PLXNA2: variants seen among roughly 807,000 people sequenced by gnomAD.
PLXNA2 encodes the protein plexin-A2.
Under a neutral mutation model 193.5 loss-of-function variants are expected in PLXNA2, and 91 were observed. That is an observed-to-expected ratio of 0.47 (90% CI 0.40 to 0.56). The LOEUF is 0.56. PLXNA2 is among the 20% of genes least tolerant of loss of function. The probability of loss-of-function intolerance (pLI) is 0.00; values close to 1 mark genes in which losing one functional copy is unlikely to be tolerated. For missense variants in PLXNA2, 1,995 were observed against 2,503.2 expected (o/e 0.80, Z 4.33); for synonymous variants, 997 against 1,027.3 (o/e 0.97, Z 0.56).
intron 12 of PLXNA2, among the ~76,000 whole-genome samples, chr1:208,061,347 G>C (rs74152186): frequency 2.0e-5 from 3 of 152,176 alleles, no homozygotes; most frequent in Non-Finnish European, 2.9e-5. Flanking sequence ...GCTACAGCCT[G>C]TTGGGGGTAC....
intron 2 of PLXNA2, among the ~76,000 whole-genome samples, 162 bp downstream of exon 2, chr1:208,216,573 T>C (rs116113503): frequency 7.2e-4 from 109 of 152,358 alleles, no homozygotes; most frequent in African/African-American, 2.5e-3. Flanking sequence ...CTGGTGTACG[T>C]AAGACCCTGC....
chr1:208,171,246 A>C (rs1669486465), intron 3 of PLXNA2, among the ~76,000 whole-genome samples: 1 of 152,184 alleles, frequency 6.6e-6, no homozygotes, highest in African/African-American at 2.4e-5. Flanking sequence ...GACTAGTGAG[A>C]TTTGAGCATG....
At position 208,040,263 on chromosome 1, in the gene PLXNA2, T is replaced by A. The variant is rs1664823519; in HGVS notation, c.4287-205A>T. 37 of 583,378 alleles carry A rather than the reference T, an allele frequency of 6.3e-5. No individual in the cohort carries two copies. The South Asian group carries it at 7.6e-4, about 12-fold the overall frequency. The allele number at this position is 583,378 out of a possible 1,614,324, so 36.1% of individuals were successfully genotyped here. Reference sequence around the variant, plus strand: ...GGGTGGCTTCTTTCTGGGCCTCAATTTCCTATGAAAATGGAGAGGTTGGCC... The same window carrying A: ...GGGTGGCTTCTTTCTGGGCCTCAATATCCTATGAAAATGGAGAGGTTGGCC... On this transcript the variant is annotated intron_variant, in intron 22 of 31. Transcript: ENST00000367033.
chr1:208,244,124 A>G lies in PLXNA2; in HGVS notation c.-562T>C, dbSNP rs1202198876. The stretch of plus-strand genomic sequence containing the variant: ...TCCGGGAGCCTGGCTTTCCAGATCT[A>G]TTTCGAGGTTTGCTCCGCTGGCTGC... On this transcript the variant is annotated 5_prime_UTR_variant, in exon 1 of 32. Transcript: ENST00000367033. 1.3e-5 allele frequency: 2 copies of G among 153,742 alleles called. No homozygotes were observed. The highest frequency in any genetic ancestry group is 4.8e-5 in the African/African-American group (2 of 41,418). The allele number at this position is 153,742 out of a possible 1,614,324, so 9.5% of individuals were successfully genotyped here.
intron 12 of PLXNA2, among the ~76,000 whole-genome samples, chr1:208,070,130 C>T (rs985870477): frequency 1.9e-4 from 29 of 152,260 alleles, no homozygotes; most frequent in African/African-American, 5.8e-4. Flanking sequence ...AGAATGCATG[C>T]CCTGGCCTGC....
rs1020591555 is a variant in PLXNA2 at position 208,161,053 on chromosome 1, G to C, written c.1372-18590C>G. On this transcript the variant is annotated intron_variant, in intron 3 of 31. Coordinates refer to ENST00000367033, the MANE Select transcript of PLXNA2 (RefSeq NM_025179.4). ...TCCATCTCAGCCTCCTCCACCCAGAGCTGCTGCTCCTAGTCGCCCAGGTCT... is the reference window on the plus strand; with the variant it reads ...TCCATCTCAGCCTCCTCCACCCAGACCTGCTGCTCCTAGTCGCCCAGGTCT... 7.9e-5 allele frequency among the ~76,000 whole-genome samples: 12 copies of C among 152,226 alleles called. 1 individual carries two copies. Among genetic ancestry groups the C allele is most frequent in the Admixed American group, 5.9e-4 (9 of 15,280 alleles).
intron 3 of PLXNA2, among the ~76,000 whole-genome samples, chr1:208,155,234 G>C (rs945503254): frequency 3.3e-5 from 5 of 152,156 alleles, no homozygotes; most frequent in African/African-American, 1.2e-4. Context: ...GACCGGTGCT[G>C]GGGACACAGA....
intron 1 of PLXNA2, among the ~76,000 whole-genome samples, chr1:208,221,256 T>G (rs768122507): frequency 1.1e-4 from 16 of 152,186 alleles, no homozygotes; most frequent in Non-Finnish European, 2.4e-4. Context: ...ATTTCCTTTT[T>G]CAGATAAAAT....
chr1:208,148,812 C>T (rs1029199652), intron 3 of PLXNA2, among the ~76,000 whole-genome samples: 23 of 152,090 alleles, frequency 1.5e-4, no homozygotes, highest in Admixed American at 6.5e-5. Flanking sequence ...TGAAGGAGGC[C>T]CTGAGGGGGT....
At position 208,236,591 on chromosome 1, in the gene PLXNA2, A is replaced by T. The variant is rs1671861344; in HGVS notation, c.-81+7052T>A. Among the ~76,000 whole-genome samples, 1 of 152,220 alleles carries T rather than the reference A, an allele frequency of 6.6e-6. No individual in the cohort carries two copies. The highest frequency in any genetic ancestry group is 1.5e-5 in the Non-Finnish European group (1 of 68,038). ...AAAGACCTGCCCATAGTCACAGAGC[A>T]ATCACAATCCATAGGCTCCGCTGAC... On this transcript the variant is annotated intron_variant, in intron 1 of 31. Coordinates refer to ENST00000367033, the MANE Select transcript of PLXNA2 (RefSeq NM_025179.4). The surrounding 1 kb of genome is among the most constrained non-coding windows in gnomAD (Gnocchi z 4.4).
rs2296731 is a variant in PLXNA2, at chr1:208,103,699, A to C, written c.1507-452T>G. 4.3e-3 allele frequency among the ~76,000 whole-genome samples: 650 copies of C among 152,340 alleles called. 13 individuals are homozygous for C. The highest frequency in any genetic ancestry group is 0.038 in the East Asian group (197 of 5,178). ...GGAGAAACTTTTCCCATCAAATAAT[A>C]TTCATAGTATGGTACAGACTCTTTA... On this transcript the variant is annotated intron_variant, in intron 4 of 31. Coordinates refer to ENST00000367033, the MANE Select transcript of PLXNA2 (RefSeq NM_025179.4).
At chr1:208,103,054 C>CCTCT (rs10654695) in intron 5 of PLXNA2, 93 bp downstream of exon 5, 780,599 of 796,016 alleles carry the variant, frequency 0.98, 383,600 homozygotes, top group South Asian at 1. Flanking sequence ...GAGGACAATT[C>CCTCT]CTCTCTCTGC....
chr1:208,117,679 C>CT (rs1667680907), intron 4 of PLXNA2, among the ~76,000 whole-genome samples: 1 of 152,158 alleles, frequency 6.6e-6, no homozygotes, highest in African/African-American at 2.4e-5. Context: ...TCAGAAATAT[C>CT]CACCAGGCCT....
intron 3 of PLXNA2, among the ~76,000 whole-genome samples, chr1:208,188,539 T>C (rs556101224): frequency 9.6e-4 from 146 of 152,048 alleles, no homozygotes; most frequent in Non-Finnish European, 1.3e-3. Flanking sequence ...CGAAATCCCA[T>C]CTCTACTAAA....
intron 13 of PLXNA2, among the ~76,000 whole-genome samples, chr1:208,057,215 G>C (rs941208472): frequency 6.6e-6 from 1 of 152,152 alleles, no homozygotes; most frequent in Non-Finnish European, 1.5e-5. Flanking sequence ...TACAGAGCGG[G>C]TCTTATCTCC....
At chr1:208,050,179 C>T (rs576580705) in intron 17 of PLXNA2, among the ~76,000 whole-genome samples, 1 of 152,358 alleles carries the variant, frequency 6.6e-6, no homozygotes, top group Admixed American at 6.5e-5. Flanking sequence ...TTATCTGATG[C>T]AGTGACTAGC....
chr1:208,134,046 C>G (rs1292577037), intron 4 of PLXNA2, among the ~76,000 whole-genome samples: 1 of 152,178 alleles, frequency 6.6e-6, no homozygotes, highest in African/African-American at 2.4e-5. Context: ...AACCCCCTTG[C>G]CCATTTAGAG....
chr1:208,159,844 T>TG, intron 3 of PLXNA2, among the ~76,000 whole-genome samples: 1 of 152,310 alleles, frequency 6.6e-6, no homozygotes, highest in East Asian at 1.9e-4. Flanking sequence ...AGGGTGAACC[T>TG]GTGCTTCCAG....
At chr1:208,036,659 G>T (rs1664678665) in intron 26 of PLXNA2, among the ~76,000 whole-genome samples, 1 of 152,192 alleles carries the variant, frequency 6.6e-6, no homozygotes, top group Non-Finnish European at 1.5e-5. Context: ...CTCCCAAAGG[G>T]AAGAATACTC....
Sources: allele counts gnomAD v4.1 joint callset (sites outside exome capture counted in the v4.1 genomes callset), GRCh38; gene constraint gnomAD v4.1.1; non-coding constraint Gnocchi (gnomAD v3.1); transcripts MANE v1.5; gene names NCBI Gene and HGNC (gene_info 2026-07-23, HGNC 2026-07-21).